CXCL13: variants seen among roughly 807,000 people sequenced by gnomAD.
CXCL13 encodes C-X-C motif chemokine 13.
A neutral mutation model predicts 12.2 loss-of-function variants in CXCL13; 7 were observed. The observed-to-expected ratio is 0.57, with a 90% CI of 0.33 to 1.07. The LOEUF (loss-of-function observed/expected upper bound fraction) is 1.07. Ranked by LOEUF, CXCL13 falls within the 50% of genes least tolerant of loss-of-function variation. The probability of loss-of-function intolerance (pLI) is 0.04; values close to 1 mark genes in which losing one functional copy is unlikely to be tolerated. For missense variants in CXCL13, 113 were observed against 127.4 expected (o/e 0.89, Z 0.55); for synonymous variants, 47 against 42.4 (o/e 1.11, Z -0.42).
chr4:77,555,222 G>T (rs1161565454), intron 1 of CXCL13, among the ~76,000 whole-genome samples: 1 of 151,946 alleles, frequency 6.6e-6, no homozygotes, highest in Admixed American at 6.6e-5. Flanking sequence ...AGGAATGAAA[G>T]AGGAGACATC....
chr4:77,537,863 T>C (rs1384308533), intron 1 of CXCL13, among the ~76,000 whole-genome samples: 1 of 152,158 alleles, frequency 6.6e-6, no homozygotes, highest in East Asian at 1.9e-4. Context: ...TTCTCCTCTG[T>C]CTAGAGGGAT....
intron 1 of CXCL13, among the ~76,000 whole-genome samples, chr4:77,581,439 A>G (rs1422783031): frequency 6.6e-6 from 1 of 152,160 alleles, no homozygotes; most frequent in South Asian, 2.1e-4. Flanking sequence ...GCTTTTTGCC[A>G]TCAGAATCTC....
intron 1 of CXCL13, among the ~76,000 whole-genome samples, chr4:77,568,277 G>C (rs533683724): frequency 2.1e-4 from 32 of 152,292 alleles, no homozygotes; most frequent in African/African-American, 7.7e-4. Context: ...ATTTTGGACA[G>C]ATGGAGAAGT....
At chr4:77,515,814 A>G (rs563880903) in intron 1 of CXCL13, among the ~76,000 whole-genome samples, 3 of 152,196 alleles carry the variant, frequency 2.0e-5, no homozygotes, top group Non-Finnish European at 2.9e-5. Flanking sequence ...TCTCCTGACT[A>G]ATTGCCCTGG....
upstream of CXCL13, among the ~76,000 whole-genome samples, chr4:77,602,781 A>C (rs150241521): frequency 6.6e-6 from 1 of 152,186 alleles, no homozygotes; most frequent in African/African-American, 2.4e-5. Context: ...AATTGTTTCC[A>C]TTTGAGTTTT....
chr4:77,561,627 C>G (rs540651289), intron 1 of CXCL13, among the ~76,000 whole-genome samples: 1 of 152,346 alleles, frequency 6.6e-6, no homozygotes, highest in Admixed American at 6.5e-5. Context: ...CAGATGCTCT[C>G]AGAGCCTGCC....
chr4:77,585,668 A>T (rs1726438494), intron 1 of CXCL13, among the ~76,000 whole-genome samples: 1 of 152,202 alleles, frequency 6.6e-6, no homozygotes, highest in Non-Finnish European at 1.5e-5. Flanking sequence ...AAACCTAATC[A>T]ATGACTAATG....
intron 1 of CXCL13, among the ~76,000 whole-genome samples, chr4:77,520,177 A>G (rs1724553098): frequency 6.6e-6 from 1 of 152,222 alleles, no homozygotes; most frequent in Non-Finnish European, 1.5e-5. Flanking sequence ...CTTTTGGCTT[A>G]GGATTGTCTT....
At chr4:77,604,019 C>A (rs1174793516), upstream of CXCL13, among the ~76,000 whole-genome samples, 1 of 152,198 alleles carries the variant, frequency 6.6e-6, no homozygotes, top group Non-Finnish European at 1.5e-5. Context: ...TAGTTTATAA[C>A]CCTGAGTGAC....
intron 1 of CXCL13, among the ~76,000 whole-genome samples, chr4:77,521,405 G>T (rs1028715720): frequency 6.6e-6 from 1 of 152,074 alleles, no homozygotes; most frequent in Non-Finnish European, 1.5e-5. Flanking sequence ...ACTGTTATTG[G>T]TCTATTCAGA....
In CXCL13 at chr4:77,513,912, G is replaced by A. The variant is rs78838154; in HGVS notation, c.-43+2124G>A. On this transcript the variant is annotated intron_variant, in intron 1 of 4. Transcript: ENST00000286758. The stretch of plus-strand genomic sequence containing the variant: ...ACTGGTGTGCTGCAACCACTAACTC[G>A]TCATCTAGCATTAGGTATATCTCCC... Among the ~76,000 whole-genome samples, 1,089 of 151,090 alleles carry A rather than the reference G, an allele frequency of 7.2e-3. 57 individuals are homozygous for A. In the East Asian group the frequency reaches 0.12, roughly 16 times the overall value.
rs538837259 is a variant in CXCL13, at chr4:77,527,323, A to G, written c.-43+15535A>G. On this transcript the variant is annotated intron_variant, in intron 1 of 4. Coordinates refer to the CXCL13 transcript ENST00000286758. ...TGTAAAATGATACAGCCACTCTGGA[A>G]AACAGTTTTGCAGTTTCTTAAACAT... is the stretch of plus-strand genomic sequence containing the variant. Among the ~76,000 whole-genome samples, 4 of 152,308 alleles carry G rather than the reference A, an allele frequency of 2.6e-5. No homozygotes were observed. The East Asian group carries it at 5.8e-4, about 22-fold the overall frequency.
At chr4:77,600,866 C>T (rs1014408330), upstream of CXCL13, among the ~76,000 whole-genome samples, 2 of 152,004 alleles carry the variant, frequency 1.3e-5, no homozygotes, top group Non-Finnish European at 2.9e-5. Context: ...GTTTTTCTCC[C>T]CTCCTTCATG....
intron 1 of CXCL13, among the ~76,000 whole-genome samples, chr4:77,572,188 GTCAGGAGT>G (rs1272523700): frequency 2.6e-5 from 4 of 151,874 alleles, no homozygotes; most frequent in African/African-American, 9.7e-5. Context: ...ATCACCTGAG[GTCAGGAGT>G]TCAAGACCAG....
chr4:77,513,804 CTTT>C (rs113540218), intron 1 of CXCL13, among the ~76,000 whole-genome samples: 51 of 140,752 alleles, frequency 3.6e-4, no homozygotes, highest in Middle Eastern at 3.8e-3. Flanking sequence ...GATGGTATCT[CTTT>C]TTTTTTTTTT....
At chr4:77,610,829 G>T in intron 3 of CXCL13, 135 bp downstream of exon 3, 1 of 904,248 alleles carries the variant, frequency 1.1e-6, no homozygotes, top group Non-Finnish European at 1.8e-6. Flanking sequence ...CACTGTTATT[G>T]CTTATCAGAT....
chr4:77,564,462 C>T (rs963909353), intron 1 of CXCL13, among the ~76,000 whole-genome samples: 4 of 152,222 alleles, frequency 2.6e-5, no homozygotes, highest in Non-Finnish European at 4.4e-5. Context: ...ACTAGCTGTT[C>T]TGCATTAGGC....
chr4:77,535,506 A>C (rs1044203037), intron 1 of CXCL13, among the ~76,000 whole-genome samples: 5 of 152,186 alleles, frequency 3.3e-5, no homozygotes, highest in Non-Finnish European at 5.9e-5. Flanking sequence ...GAAGTGATGG[A>C]GACTATGTTT....
intron 1 of CXCL13, among the ~76,000 whole-genome samples, chr4:77,584,875 G>A (rs1578065586): frequency 6.6e-6 from 1 of 152,128 alleles, no homozygotes. Flanking sequence ...GAAATACTAG[G>A]CATCACAATC....
Sources: allele counts gnomAD v4.1 joint callset (sites outside exome capture counted in the v4.1 genomes callset), GRCh38; gene constraint gnomAD v4.1.1; transcripts MANE v1.5; gene names NCBI Gene and HGNC (gene_info 2026-07-23, HGNC 2026-07-21).